The following TBC1D10A variants were observed in gnomAD, a reference collection of about 807,000 sequenced individuals.
The protein encoded by TBC1D10A is TBC1 domain family member 10A.
TBC1D10A carries 24 observed loss-of-function variants against 52.9 expected under a neutral mutation model. The observed-to-expected ratio is 0.45, with a 90% CI of 0.33 to 0.64. The LOEUF (loss-of-function observed/expected upper bound fraction) is 0.64, where lower values mean the gene tolerates loss of function less well. Ranked by LOEUF, TBC1D10A falls within the 30% of genes least tolerant of loss-of-function variation. TBC1D10A has a pLI of 0.02. For synonymous variants in TBC1D10A, 278 were observed against 282.9 expected, an observed-to-expected ratio of 0.98 and a Z score of 0.17; for missense variants, 602 against 687.9, an observed-to-expected ratio of 0.88 and a Z score of 1.40.
At chr22:30,326,624 G>A in intron 1 of TBC1D10A, 49 bp downstream of exon 1, 2 of 1,536,540 alleles carry the variant, frequency 1.3e-6, no homozygotes, top group South Asian at 1.2e-5. Context: ...CCGTGTCGAG[G>A]CCCCTCGCGT....
chr22:30,320,015 TG>T (rs1930620278), intron 1 of TBC1D10A, among the ~76,000 whole-genome samples: 1 of 152,200 alleles, frequency 6.6e-6, no homozygotes, highest in East Asian at 1.9e-4. Flanking sequence ...TCGGAGGACC[TG>T]GGATCCCTCT....
Position 30,292,787 on chromosome 22 carries a change from C to T in TBC1D10A, c.1115G>A (p.Trp372Ter). The change falls in exon 9 of 9, where the codon TGG becomes TAG. Residue 372 changes from tryptophan to a stop codon, truncating the protein, a stop_gained. Transcript: ENST00000215790. LOFTEE classifies it low-confidence loss of function (END_TRUNC). ...EREHLIQLRR[W>*]QETRGELQCR... ...CTGCAGCTCACCCCGGGTCTCCTGCCAGCGCCGCAGCTGAATGAGGTGTTC... is the reference window on the plus strand; with the variant it reads ...CTGCAGCTCACCCCGGGTCTCCTGCTAGCGCCGCAGCTGAATGAGGTGTTC... 1.2e-6 allele frequency: 2 copies of T among 1,612,200 alleles called. No homozygotes were observed. The highest frequency in any genetic ancestry group is 1.7e-6 in the Non-Finnish European group (2 of 1,179,952).
At chr22:30,292,890 G>T (rs1429313009) in intron 8 of TBC1D10A, 39 bp from the exon 9 acceptor site, 2 of 1,604,394 alleles carry the variant, frequency 1.2e-6, no homozygotes, top group Non-Finnish European at 1.7e-6. Context: ...ACACCAAGAA[G>T]AAGGACCTTC....
At chr22:30,304,721 T>C (rs899739846) in intron 1 of TBC1D10A, 91 bp from the exon 2 acceptor site, 1 of 1,531,444 alleles carries the variant, frequency 6.5e-7, no homozygotes, top group African/African-American at 1.4e-5. Context: ...CAGACCTCCA[T>C]TCTTCCTGCC....
chr22:30,313,550 ATTTTTTTT>A (rs35640957), intron 1 of TBC1D10A, among the ~76,000 whole-genome samples: 3 of 42,200 alleles, frequency 7.1e-5, no homozygotes, highest in African/African-American at 2.5e-4. Flanking sequence ...CGGCCAGCTA[ATTTTTTTT>A]TTTTTTTTTT....
chr22:30,313,655 C>T (rs1359566557), intron 1 of TBC1D10A, among the ~76,000 whole-genome samples: 1 of 148,226 alleles, frequency 6.7e-6, no homozygotes, highest in Non-Finnish European at 1.5e-5. Context: ...CCCACCTCAG[C>T]CTCCCAAAGT....
rs1930119200 is a variant in TBC1D10A, at chr22:30,297,985, AG to A, written c.417+1458del. 1.3e-5 allele frequency: 2 copies of A among 152,348 alleles called. No individual in the cohort carries two copies. Among genetic ancestry groups the A allele is most frequent in the African/African-American group, 4.8e-5 (2 of 41,540 alleles). The allele number at this position is 152,348 out of a possible 1,614,324, so 9.4% of individuals were successfully genotyped here. A position where few individuals can be genotyped will look rare whatever the true frequency, so the allele number is the denominator to read the frequency against. On this transcript the variant is annotated intron_variant, in intron 3 of 8. Transcript: ENST00000215790. The surrounding 1 kb of genome is among the most constrained non-coding windows in gnomAD (Gnocchi z 4.3). ...GTCACTCAGCTTCGGTGCATCAAGA[AG>A]GCCTTCTCTGCAAATCCACCTCCTC...
At position 30,326,617 on chromosome 22, in the gene TBC1D10A, T is replaced by C. The variant is rs1056210503; in HGVS notation, c.209+56A>G. 2.6e-6 allele frequency: 4 copies of C among 1,518,850 alleles called. No homozygotes were observed. In the African/African-American group the frequency reaches 5.7e-5, roughly 22 times the overall value. 94.1% of individuals were successfully genotyped at this position (1,518,850 alleles called of 1,614,324 possible). Reference sequence around the variant, plus strand: ...CAAGTCCCGAGGGCGCCTCCGTCCGTGTCGAGGCCCCTCGCGTGGGTGGCG... The same window carrying C: ...CAAGTCCCGAGGGCGCCTCCGTCCGCGTCGAGGCCCCTCGCGTGGGTGGCG... On this transcript the variant is annotated intron_variant, in intron 1 of 8. Coordinates refer to ENST00000215790, the MANE Select transcript of TBC1D10A (RefSeq NM_031937.3).
chr22:30,295,613 G>T lies in TBC1D10A; in HGVS notation c.524+124C>A, dbSNP rs1930060942. 4 of 899,156 alleles carry T rather than the reference G, an allele frequency of 4.4e-6. No homozygotes were observed. The East Asian group carries it at 1.1e-4, about 24-fold the overall frequency. 55.7% of individuals were successfully genotyped at this position (899,156 alleles called of 1,614,324 possible). A position where few individuals can be genotyped will look rare whatever the true frequency, so the allele number is the denominator to read the frequency against. ...ACATCAGACTCAAACCAAAAAAAGG[G>T]AAATGCTAAGAGTGGAGTTGGGGGC... On this transcript the variant is annotated intron_variant, in intron 4 of 8. Transcript: ENST00000215790.
At chr22:30,300,081 C>A (rs1298715713) in intron 2 of TBC1D10A, among the ~76,000 whole-genome samples, 1 of 152,064 alleles carries the variant, frequency 6.6e-6, no homozygotes, top group African/African-American at 2.4e-5. Flanking sequence ...GTCCCACATC[C>A]CTGGTGACAA....
At chr22:30,312,773 A>C (rs1930451973) in intron 1 of TBC1D10A, among the ~76,000 whole-genome samples, 1 of 152,024 alleles carries the variant, frequency 6.6e-6, no homozygotes, top group Non-Finnish European at 1.5e-5. Context: ...ATCTCTACAA[A>C]GCCTCTCCTA....
intron 1 of TBC1D10A, among the ~76,000 whole-genome samples, chr22:30,306,484 C>A (rs1042585582): frequency 6.6e-6 from 1 of 152,158 alleles, no homozygotes; most frequent in African/African-American, 2.4e-5. Context: ...ACAGCTTTGG[C>A]AGTTTCAAAC....
chr22:30,293,056 C>T (rs1324789770), intron 8 of TBC1D10A: 4 of 629,520 alleles, frequency 6.4e-6, no homozygotes, highest in East Asian at 2.7e-5. Flanking sequence ...TGAGACCCAC[C>T]GCCTCAGAGG....
intron 1 of TBC1D10A, among the ~76,000 whole-genome samples, chr22:30,309,315 C>T (rs1231930859): frequency 1.3e-5 from 2 of 151,368 alleles, no homozygotes; most frequent in South Asian, 4.1e-4. Context: ...CAGCTCACTG[C>T]AACCTCCACC....
chr22:30,295,087 C>G (rs761516702), intron 4 of TBC1D10A, 32 bp from the exon 5 acceptor site: 1 of 1,606,604 alleles, frequency 6.2e-7, no homozygotes, highest in East Asian at 2.2e-5. Flanking sequence ...CAGTGATGAC[C>G]GGGGTGACTC....
rs999752346 is a variant in TBC1D10A, at chr22:30,323,612, T to G, written c.209+3061A>C. Among the ~76,000 whole-genome samples the G allele has an allele frequency of 3.9e-5, 6 of 152,252 alleles. 1 individual carries two copies. In the South Asian group the frequency reaches 1.2e-3, roughly 32 times the overall value. ...GCTGTGATCTTAAGAAAGTTACTCT[T>G]CTCTCTGGGCCTCAGTTTCCTCATC... is the stretch of plus-strand genomic sequence containing the variant. On this transcript the variant is annotated intron_variant, in intron 1 of 8. Coordinates refer to ENST00000215790, the MANE Select transcript of TBC1D10A (RefSeq NM_031937.3).
chr22:30,294,231 G>A, intron 6 of TBC1D10A, 121 bp from the exon 7 acceptor site: 1 of 1,090,246 alleles, frequency 9.2e-7, no homozygotes, highest in Non-Finnish European at 1.3e-6. Flanking sequence ...CCTGCAGGGT[G>A]TCTGCCTCTG....
In TBC1D10A at chr22:30,299,424, G is replaced by T. The variant is rs758910270; in HGVS notation, c.417+20C>A. Reference sequence around the variant, plus strand: ...CAAGAGATGCGGAAGGGAGGGCAGGGCAAAGGAAGGGAAACTTACGTCAAA... The same window carrying T: ...CAAGAGATGCGGAAGGGAGGGCAGGTCAAAGGAAGGGAAACTTACGTCAAA... On this transcript the variant is annotated intron_variant, in intron 3 of 8. Transcript: ENST00000215790. 1 of 1,611,364 alleles carries T rather than the reference G, an allele frequency of 6.2e-7. No individual in the cohort carries two copies. Among genetic ancestry groups the T allele is most frequent in the African/African-American group, 1.3e-5 (1 of 74,890 alleles).
chr22:30,294,187 G>C, intron 6 of TBC1D10A, 77 bp from the exon 7 acceptor site: 1 of 1,492,652 alleles, frequency 6.7e-7, no homozygotes, highest in East Asian at 2.3e-5. Context: ...CCAGCACCCA[G>C]CACCCAGCAC....
Sources: allele counts gnomAD v4.1 joint callset (sites outside exome capture counted in the v4.1 genomes callset), GRCh38; gene constraint gnomAD v4.1.1; non-coding constraint Gnocchi (gnomAD v3.1); transcripts MANE v1.5; gene names NCBI Gene and HGNC (gene_info 2026-07-23, HGNC 2026-07-21).